NRXN1: variants seen among roughly 807,000 people sequenced by gnomAD.
The protein encoded by NRXN1 is neurexin-1.
A neutral mutation model predicts 150.9 loss-of-function variants in NRXN1; 39 were observed. That is an observed-to-expected ratio of 0.26 (90% CI 0.20 to 0.34). NRXN1 has a LOEUF of 0.34. NRXN1 is among the 10% of genes least tolerant of loss of function. The pLI is 1.00. For missense variants in NRXN1, 1,815 were observed against 1,949.9 expected (o/e 0.93, Z 1.30); for synonymous variants, 924 against 757.0 (o/e 1.22, Z -3.62).
At chr2:50,461,728 T>C (rs2088240489) in intron 17 of NRXN1, among the ~76,000 whole-genome samples, 1 of 152,004 alleles carries the variant, frequency 6.6e-6, no homozygotes, top group Non-Finnish European at 1.5e-5. Flanking sequence ...CAGCACACTG[T>C]TTCCTACAAT....
At chr2:50,499,884 G>A (rs1235872698) in intron 13 of NRXN1, among the ~76,000 whole-genome samples, 2 of 147,934 alleles carry the variant, frequency 1.4e-5, no homozygotes, top group East Asian at 4.0e-4. Flanking sequence ...GGAGGCGGAG[G>A]TTGCAGTGAG....
intron 22 of NRXN1, among the ~76,000 whole-genome samples, chr2:49,925,029 C>T (rs1431823946): frequency 2.0e-5 from 3 of 152,012 alleles, no homozygotes; most frequent in South Asian, 2.1e-4. Context: ...TGGTGGCTCA[C>T]ATCTGTAATC....
rs537154855 is a variant in NRXN1, at chr2:50,528,818, A to G, written c.2348-167T>C. ...TATAAAGCCCAGATGTTTTGTTATA[A>G]AAGTTTACCATTGGAAACAACAATA... is the stretch of plus-strand genomic sequence containing the variant. On this transcript the variant is annotated intron_variant, in intron 11 of 22. Coordinates refer to ENST00000401669, the MANE Select transcript of NRXN1 (RefSeq NM_001330078.2). 3 of 502,098 alleles carry G rather than the reference A, an allele frequency of 6.0e-6. No homozygotes were observed. In the African/African-American group the frequency reaches 6.1e-5, roughly 10 times the overall value. The allele number at this position is 502,098 out of a possible 1,614,324, so 31.1% of individuals were successfully genotyped here. A position where few individuals can be genotyped will look rare whatever the true frequency, so the allele number is the denominator to read the frequency against.
intron 19 of NRXN1, among the ~76,000 whole-genome samples, chr2:50,080,855 T>G (rs78764558): frequency 3.3e-5 from 5 of 152,124 alleles, no homozygotes; most frequent in Non-Finnish European, 7.4e-5. Context: ...CCACATTTCA[T>G]TGGAAGCATG....
At chr2:50,453,331 A>G (rs989746768) in intron 17 of NRXN1, among the ~76,000 whole-genome samples, 3 of 152,194 alleles carry the variant, frequency 2.0e-5, no homozygotes, top group African/African-American at 7.2e-5. Flanking sequence ...TTCACAGGCA[A>G]TGTTGACAAT....
chr2:50,119,972 G>A (rs1223458715), intron 18 of NRXN1, among the ~76,000 whole-genome samples: 1 of 152,144 alleles, frequency 6.6e-6, no homozygotes, highest in Non-Finnish European at 1.5e-5. Flanking sequence ...GTGGAAGAAG[G>A]AGCCTGTGAT....
chr2:50,600,333 T>A (rs1408509527), intron 8 of NRXN1, among the ~76,000 whole-genome samples: 1 of 148,608 alleles, frequency 6.7e-6, no homozygotes. Context: ...TTTTTTTTTT[T>A]TTTTTTTTTG....
At chr2:50,753,697 T>G (rs1421680175) in intron 5 of NRXN1, among the ~76,000 whole-genome samples, 1 of 151,776 alleles carries the variant, frequency 6.6e-6, no homozygotes, top group East Asian at 1.9e-4. Flanking sequence ...CAGAAAAGGT[T>G]TAAGTAGGAA....
intron 5 of NRXN1, chr2:50,917,875 A>G (rs1334142049): frequency 6.6e-6 from 1 of 151,390 alleles, no homozygotes; most frequent in African/African-American, 2.4e-5. Context: ...TTAAAAAAAC[A>G]CCAAATGCTT....
At chr2:49,980,184 C>T (rs2351146) in intron 21 of NRXN1, among the ~76,000 whole-genome samples, 74,683 of 151,866 alleles carry the variant, frequency 0.49, 18,789 homozygotes, top group Middle Eastern at 0.63. Flanking sequence ...ACTAGCGTTC[C>T]AGAATAGTTG....
At chr2:50,752,682 T>C (rs1385055306) in intron 5 of NRXN1, among the ~76,000 whole-genome samples, 1 of 151,626 alleles carries the variant, frequency 6.6e-6, no homozygotes, top group Non-Finnish European at 1.5e-5. Context: ...GAAAGCCTAT[T>C]TAACACAACA....
At chr2:50,366,419 T>C (rs1419989565) in intron 17 of NRXN1, among the ~76,000 whole-genome samples, 1 of 151,854 alleles carries the variant, frequency 6.6e-6, no homozygotes, top group Non-Finnish European at 1.5e-5. Flanking sequence ...GATGGGGCTA[T>C]CAACTTAGAC....
intron 5 of NRXN1, among the ~76,000 whole-genome samples, chr2:50,886,118 C>T (rs1397571668): frequency 1.3e-5 from 2 of 151,122 alleles, no homozygotes; most frequent in East Asian, 3.9e-4. Context: ...AAGTAGTCTA[C>T]TGGGGAGTAT....
chr2:50,058,743 G>A (rs1027174115), intron 19 of NRXN1, among the ~76,000 whole-genome samples: 2 of 152,110 alleles, frequency 1.3e-5, no homozygotes, highest in Non-Finnish European at 2.9e-5. Context: ...TTTTTCCCAT[G>A]CTGTTCTCAT....
chr2:50,911,062 C>G (rs1026449108), intron 5 of NRXN1, among the ~76,000 whole-genome samples: 4 of 151,982 alleles, frequency 2.6e-5, no homozygotes, highest in African/African-American at 9.7e-5. Flanking sequence ...ATACTATCAT[C>G]ATGATTTATT....
chr2:50,087,386 T>C lies in NRXN1; in HGVS notation c.3718+3937A>G, dbSNP rs534720571. Among the ~76,000 whole-genome samples the C allele has an allele frequency of 5.1e-4, 78 of 152,270 alleles. 1 individual carries two copies. Among genetic ancestry groups the C allele is most frequent in the Non-Finnish European group, 1.5e-5 (1 of 67,970 alleles). ...AAAGAAATCTTTTGACACACTGTGA[T>C]AGGAAAACAAATTCAAAAGTTTATT... On this transcript the variant is annotated intron_variant, in intron 19 of 22. Coordinates refer to ENST00000401669, the MANE Select transcript of NRXN1 (RefSeq NM_001330078.2).
At chr2:50,738,670 G>T (rs1699058194) in intron 5 of NRXN1, among the ~76,000 whole-genome samples, 1 of 152,082 alleles carries the variant, frequency 6.6e-6, no homozygotes, top group Non-Finnish European at 1.5e-5. Context: ...CTTTAAATTT[G>T]GGGAGTGGGA....
rs1336215186 is a variant in NRXN1, at chr2:50,923,941, T to G, written c.791-1254A>C. Among the ~76,000 whole-genome samples, 6 of 151,912 alleles carry G rather than the reference T, an allele frequency of 3.9e-5. No homozygotes were observed. In the South Asian group the frequency reaches 1.0e-3, roughly 26 times the overall value. On this transcript the variant is annotated intron_variant, in intron 3 of 22. Coordinates refer to ENST00000401669, the MANE Select transcript of NRXN1 (RefSeq NM_001330078.2). ...TTATTAAACACAGTAGTGTGATGCC[T>G]CTGAACTGTAGCCTCTCTGTATTTT...
intron 17 of NRXN1, among the ~76,000 whole-genome samples, chr2:50,350,273 T>A (rs887630076): frequency 6.6e-6 from 1 of 152,214 alleles, no homozygotes; most frequent in African/African-American, 2.4e-5. Flanking sequence ...ATCTAATATG[T>A]ATTTTCTCCA....
Sources: allele counts gnomAD v4.1 joint callset (sites outside exome capture counted in the v4.1 genomes callset), GRCh38; gene constraint gnomAD v4.1.1; transcripts MANE v1.5; gene names NCBI Gene and HGNC (gene_info 2026-07-23, HGNC 2026-07-21).